The following BICC1 variants were observed in gnomAD, a reference collection of about 807,000 sequenced individuals.
The protein encoded by BICC1 is BicC family RNA binding protein 1.
Under a neutral mutation model 111.0 loss-of-function variants are expected in BICC1, and 43 were observed. The ratio of observed to expected loss-of-function variants is 0.39; its 90% confidence interval spans 0.30 to 0.50. The LOEUF (loss-of-function observed/expected upper bound fraction) is 0.50. Ranked by LOEUF, BICC1 falls within the 20% of genes least tolerant of loss-of-function variation. The pLI is 0.88. For missense variants in BICC1, 1,091 were observed against 1,203.2 expected, an observed-to-expected ratio of 0.91 and a Z score of 1.38; for synonymous variants, 467 against 434.4, an observed-to-expected ratio of 1.07 and a Z score of -0.93.
intron 3 of BICC1, among the ~76,000 whole-genome samples, chr10:58,712,877 G>A (rs951516674): frequency 1.3e-5 from 2 of 152,060 alleles, no homozygotes; most frequent in Non-Finnish European, 2.9e-5. Flanking sequence ...AGAAAGCAGC[G>A]TATGGGAATT....
In BICC1 at chr10:58,831,189, T is replaced by C. The variant is rs1844541993; in HGVS notation, c.*2298T>C. 6.6e-6 allele frequency: 1 copy of C among 152,220 alleles called. No homozygotes were observed. Among genetic ancestry groups the C allele is most frequent in the African/African-American group, 2.4e-5 (1 of 41,462 alleles). The allele number at this position is 152,220 out of a possible 1,614,324, so 9.4% of individuals were successfully genotyped here. On this transcript the variant is annotated 3_prime_UTR_variant, in exon 21 of 21. Coordinates refer to ENST00000373886, the MANE Select transcript of BICC1 (RefSeq NM_001080512.3). ...ACTACAGTATACAGAGTTGTTGTTA[T>C]ATGATGCACAAAATATTTTGATGAT...
intron 1 of BICC1, among the ~76,000 whole-genome samples, chr10:58,541,222 A>G (rs1221380232): frequency 1.3e-5 from 2 of 152,108 alleles, no homozygotes; most frequent in Non-Finnish European, 2.9e-5. Flanking sequence ...GGCAAGAAAA[A>G]CAAAAAGCAT....
intron 3 of BICC1, among the ~76,000 whole-genome samples, chr10:58,745,612 C>CCG (rs60012261): frequency 7.5e-6 from 1 of 133,828 alleles, no homozygotes. Flanking sequence ...GCCCCCCCCC[C>CCG]ACATTTTTTT....
intron 1 of BICC1, among the ~76,000 whole-genome samples, chr10:58,556,771 G>A (rs551322294): frequency 1.3e-5 from 2 of 152,164 alleles, no homozygotes; most frequent in African/African-American, 2.4e-5. Flanking sequence ...ATCAAAGTCC[G>A]AAAGAGTGTC....
intron 2 of BICC1, among the ~76,000 whole-genome samples, chr10:58,663,101 C>G (rs1253441430): frequency 1.6e-5 from 2 of 125,930 alleles, no homozygotes; most frequent in Non-Finnish European, 1.6e-5. Context: ...GAGTCTTACT[C>G]TGTTGCCCAG....
At chr10:58,790,859 T>C (rs190738347) in intron 8 of BICC1, among the ~76,000 whole-genome samples, 1 of 152,348 alleles carries the variant, frequency 6.6e-6, no homozygotes, top group Admixed American at 6.5e-5. Context: ...GTTGATAATG[T>C]AGTAACAAAA....
intron 2 of BICC1, among the ~76,000 whole-genome samples, chr10:58,676,898 G>C (rs1057033503): frequency 6.6e-6 from 1 of 152,156 alleles, no homozygotes; most frequent in Non-Finnish European, 1.5e-5. Flanking sequence ...TGGTGATATC[G>C]AGGCAAACAG....
intron 1 of BICC1, among the ~76,000 whole-genome samples, chr10:58,534,191 A>G (rs1842764982): frequency 6.6e-6 from 1 of 151,796 alleles, no homozygotes; most frequent in South Asian, 2.1e-4. Flanking sequence ...GTCTCCCCTT[A>G]CCCAAGATAG....
chr10:58,584,357 C>G (rs1331310581), intron 1 of BICC1, among the ~76,000 whole-genome samples: 1 of 152,050 alleles, frequency 6.6e-6, no homozygotes, highest in Admixed American at 6.6e-5. Context: ...TTTGGACTGA[C>G]TGAGGTTTGG....
intron 2 of BICC1, among the ~76,000 whole-genome samples, chr10:58,637,779 G>A (rs769138296): frequency 9.9e-5 from 15 of 152,200 alleles, no homozygotes; most frequent in Non-Finnish European, 1.9e-4. Context: ...TATTGGCTGT[G>A]AGTAGAGGTA....
chr10:58,622,044 T>C (rs1845836255), intron 2 of BICC1, among the ~76,000 whole-genome samples: 1 of 151,674 alleles, frequency 6.6e-6, no homozygotes, highest in African/African-American at 2.4e-5. Context: ...TAGCCAGGTG[T>C]GATGATGTGC....
chr10:58,722,590 A>C (rs1840973686), intron 3 of BICC1, among the ~76,000 whole-genome samples: 1 of 152,230 alleles, frequency 6.6e-6, no homozygotes. Context: ...AGCAAACCTC[A>C]TATACAGGAA....
intron 1 of BICC1, among the ~76,000 whole-genome samples, chr10:58,520,931 T>G (rs1349153831): frequency 6.6e-6 from 1 of 152,048 alleles, no homozygotes; most frequent in African/African-American, 2.4e-5. Context: ...GGTGCAGTGT[T>G]GAGCTTTGGG....
intron 2 of BICC1, among the ~76,000 whole-genome samples, chr10:58,629,588 T>G (rs1213640708): frequency 6.6e-6 from 1 of 152,156 alleles, no homozygotes; most frequent in Non-Finnish European, 1.5e-5. Context: ...TAAATAAATG[T>G]ATGGATTTTG....
At chr10:58,571,306 A>T (rs1324772357) in intron 1 of BICC1, among the ~76,000 whole-genome samples, 1 of 152,094 alleles carries the variant, frequency 6.6e-6, no homozygotes, top group African/African-American at 2.4e-5. Context: ...ATCAGGTTTT[A>T]TATTTTTATT....
At chr10:58,819,984 A>G (rs1296799806) in intron 19 of BICC1, among the ~76,000 whole-genome samples, 1 of 152,186 alleles carries the variant, frequency 6.6e-6, no homozygotes, top group Non-Finnish European at 1.5e-5. Flanking sequence ...ACAAAGGAAG[A>G]TGCCATCTGT....
At chr10:58,570,368 T>A (rs763068412) in intron 1 of BICC1, among the ~76,000 whole-genome samples, 3 of 152,196 alleles carry the variant, frequency 2.0e-5, no homozygotes, top group Admixed American at 6.5e-5. Context: ...CAGCATGTGC[T>A]TTTCCTGGCT....
At position 58,831,291 on chromosome 10, in the gene BICC1, AT is replaced by A. The variant is rs778260810; in HGVS notation, c.*2405del. ...TAAATATAGAACAGATACAGATTGT[AT>A]TTTTCTGTGGGTTTTTGTCCTTTTA... On this transcript the variant is annotated 3_prime_UTR_variant, in exon 21 of 21. Coordinates refer to ENST00000373886, the MANE Select transcript of BICC1 (RefSeq NM_001080512.3). 6.6e-6 allele frequency: 1 copy of A among 152,114 alleles called. No homozygotes were observed. The highest frequency in any genetic ancestry group is 1.5e-5 in the Non-Finnish European group (1 of 68,008). 9.4% of individuals were successfully genotyped at this position (152,114 alleles called of 1,614,324 possible).
intron 3 of BICC1, among the ~76,000 whole-genome samples, chr10:58,705,966 A>T (rs1371969304): frequency 1.3e-5 from 2 of 152,236 alleles, no homozygotes; most frequent in African/African-American, 4.8e-5. Context: ...GGGTGACTGT[A>T]GAATTGTCTT....
Sources: gnomAD v4.1 joint callset for allele counts (sites outside exome capture counted in the v4.1 genomes callset) on GRCh38, gnomAD v4.1.1 for gene constraint, MANE v1.5 for transcripts, NCBI Gene and HGNC (gene_info 2026-07-23, HGNC 2026-07-21) for gene names.